Variants in MAGI1 observed in about 807,000 individuals in gnomAD.
MAGI1 encodes the protein membrane-associated guanylate kinase, WW and PDZ domain-containing protein 1.
A neutral mutation model predicts 139.9 loss-of-function variants in MAGI1; 58 were observed. The observed-to-expected ratio is 0.41, with a 90% CI of 0.34 to 0.52. The LOEUF is 0.52. Among genes scored for constraint, MAGI1 ranks in the 20% least tolerant of loss-of-function variants. The probability of loss-of-function intolerance (pLI) is 0.12; values close to 1 mark genes in which losing one functional copy is unlikely to be tolerated. For missense variants in MAGI1, 1,874 were observed against 1,901.6 expected (o/e 0.99, Z 0.27); for synonymous variants, 812 against 737.9 (o/e 1.10, Z -1.63).
chr3:65,412,053 T>G (rs1406661297), intron 12 of MAGI1, among the ~76,000 whole-genome samples: 1 of 152,188 alleles, frequency 6.6e-6, no homozygotes, highest in Non-Finnish European at 1.5e-5. Context: ...CCTGGCTCCA[T>G]GTCCCTATGG....
At chr3:65,546,770 G>C (rs569435072) in intron 2 of MAGI1, among the ~76,000 whole-genome samples, 21 of 151,974 alleles carry the variant, frequency 1.4e-4, no homozygotes, top group Non-Finnish European at 2.6e-4. Context: ...TCTCCCAGCT[G>C]GTTTTCAGAC....
At chr3:65,380,733 T>G (rs1289122542) in intron 16 of MAGI1, 1 of 152,138 alleles carries the variant, frequency 6.6e-6, no homozygotes, top group Non-Finnish European at 1.5e-5. Flanking sequence ...AAAAATCACA[T>G]TGCCTTACTA....
intron 1 of MAGI1, among the ~76,000 whole-genome samples, chr3:65,999,801 A>G (rs1440730878): frequency 2.0e-5 from 3 of 151,836 alleles, no homozygotes; most frequent in African/African-American, 4.8e-5. Context: ...GTGTTCCCCA[A>G]TTGTGCTTTC....
chr3:65,672,337 A>G (rs1299140210), intron 1 of MAGI1, among the ~76,000 whole-genome samples: 1 of 152,220 alleles, frequency 6.6e-6, no homozygotes, highest in African/African-American at 2.4e-5. Flanking sequence ...ACTTTAGAGA[A>G]TTAGTCTTTG....
chr3:65,883,326 C>A (rs1050531646), intron 1 of MAGI1, among the ~76,000 whole-genome samples: 1 of 152,168 alleles, frequency 6.6e-6, no homozygotes, highest in East Asian at 1.9e-4. Context: ...CCCTCCTCCA[C>A]AGAAGTTGTA....
intron 16 of MAGI1, among the ~76,000 whole-genome samples, chr3:65,381,043 T>C (rs868816174): frequency 2.6e-5 from 4 of 152,196 alleles, no homozygotes; most frequent in Non-Finnish European, 1.5e-5. Flanking sequence ...ATTCCACTGA[T>C]AGAAGACAAT....
chr3:65,787,610 T>C (rs2039486070), intron 1 of MAGI1, among the ~76,000 whole-genome samples: 1 of 150,498 alleles, frequency 6.6e-6, no homozygotes, highest in Admixed American at 6.7e-5. Context: ...TTCCCTGCCC[T>C]CTGGGACTGC....
At chr3:65,687,760 T>G (rs2088189969) in intron 1 of MAGI1, 2 of 558,244 alleles carry the variant, frequency 3.6e-6, no homozygotes, top group African/African-American at 3.8e-5. Flanking sequence ...TTCTGAAGTT[T>G]TGACCATGCC....
intron 12 of MAGI1, among the ~76,000 whole-genome samples, chr3:65,406,323 A>G (rs1034447245): frequency 2.0e-5 from 3 of 151,874 alleles, no homozygotes; most frequent in African/African-American, 7.3e-5. Flanking sequence ...TTGCTGGGAA[A>G]GAGAGTGGAC....
intron 1 of MAGI1, among the ~76,000 whole-genome samples, chr3:65,794,583 T>C (rs1045873923): frequency 5.3e-5 from 8 of 152,024 alleles, no homozygotes; most frequent in African/African-American, 1.9e-4. Flanking sequence ...ATGGTGAACC[T>C]TTCTGGCCTA....
intron 1 of MAGI1, among the ~76,000 whole-genome samples, chr3:65,933,587 T>C (rs1025299262): frequency 6.6e-6 from 1 of 152,120 alleles, no homozygotes; most frequent in Non-Finnish European, 1.5e-5. Context: ...ATGTCAGTCC[T>C]ACTCAGCTTA....
intron 2 of MAGI1, among the ~76,000 whole-genome samples, chr3:65,578,525 A>G (rs148548523): frequency 3.3e-5 from 5 of 152,334 alleles, no homozygotes; most frequent in East Asian, 3.9e-4. Flanking sequence ...ACTAACAAAT[A>G]TAAGAGCTGG....
At chr3:65,657,547 A>G (rs2085949095) in intron 1 of MAGI1, among the ~76,000 whole-genome samples, 1 of 152,164 alleles carries the variant, frequency 6.6e-6, no homozygotes, top group East Asian at 1.9e-4. Flanking sequence ...GAAGCTACTT[A>G]TTTAGGGAGC....
At chr3:65,422,537 A>T (rs138682722) in intron 12 of MAGI1, among the ~76,000 whole-genome samples, 290 of 152,318 alleles carry the variant, frequency 1.9e-3, no homozygotes, top group African/African-American at 6.7e-3. Flanking sequence ...AGGGTCCTGC[A>T]TTAACTCATC....
rs112088907 is a variant in MAGI1, at chr3:65,475,145, A to T, written c.757+3447T>A. Among the ~76,000 whole-genome samples the T allele has an allele frequency of 1.6e-4, 24 of 151,560 alleles. 1 individual carries two copies. The highest frequency in any genetic ancestry group is 5.6e-4 in the African/African-American group (23 of 41,360). On this transcript the variant is annotated intron_variant, in intron 4 of 22. Transcript: ENST00000402939. ...AGAAACATGATTAAGAAATGTTTTGATGTCTCTCAGAGGTGTTCATGAATG... is the reference window on the plus strand; with the variant it reads ...AGAAACATGATTAAGAAATGTTTTGTTGTCTCTCAGAGGTGTTCATGAATG...
Position 65,438,968 on chromosome 3 carries a change from T to C in MAGI1, c.1270+911A>G, listed in dbSNP as rs1948043636. ...AGAAAAAGTTTGCCAACCTGTAGTC[T>C]ATGGTTTACATTTGTTATATTCAAT... On this transcript the variant is annotated intron_variant, in intron 9 of 22. Transcript: ENST00000402939. 2.6e-5 allele frequency among the ~76,000 whole-genome samples: 4 copies of C among 152,210 alleles called. No individual in the cohort carries two copies. In the South Asian group the frequency reaches 8.3e-4, roughly 32 times the overall value.
intron 1 of MAGI1, among the ~76,000 whole-genome samples, chr3:65,830,079 G>C (rs2042443632): frequency 1.3e-5 from 2 of 152,154 alleles, no homozygotes; most frequent in African/African-American, 2.4e-5. Context: ...ACATACAGAG[G>C]CAAAGATCTT....
At chr3:65,851,702 T>C (rs368790590) in intron 1 of MAGI1, among the ~76,000 whole-genome samples, 164 of 152,206 alleles carry the variant, frequency 1.1e-3, no homozygotes, top group African/African-American at 3.8e-3. Flanking sequence ...TGAGCCGAGA[T>C]GGTGCCACTG....
At chr3:65,392,724 A>G (rs1212443432) in intron 13 of MAGI1, among the ~76,000 whole-genome samples, 3 of 152,120 alleles carry the variant, frequency 2.0e-5, no homozygotes, top group Non-Finnish European at 4.4e-5. Flanking sequence ...CCTTCCAGTA[A>G]TTGCTTTGAA....
Sources: gnomAD v4.1 joint callset for allele counts (sites outside exome capture counted in the v4.1 genomes callset) on GRCh38, gnomAD v4.1.1 for gene constraint, MANE v1.5 for transcripts, NCBI Gene and HGNC (gene_info 2026-07-23, HGNC 2026-07-21) for gene names.